HELQ: variants seen among roughly 807,000 people sequenced by gnomAD.
HELQ encodes helicase POLQ-like.
Under a neutral mutation model 111.6 loss-of-function variants are expected in HELQ, and 77 were observed. That is an observed-to-expected ratio of 0.69 (90% CI 0.57 to 0.83). HELQ has a LOEUF of 0.83. HELQ is among the 40% of genes least tolerant of loss of function. The probability of loss-of-function intolerance (pLI) is 0.00; values close to 1 mark genes in which losing one functional copy is unlikely to be tolerated. For missense variants in HELQ, 1,200 were observed against 1,288.5 expected (o/e 0.93, Z 1.05); for synonymous variants, 438 against 454.7 (o/e 0.96, Z 0.47).
At chr4:83,432,391 G>C in intron 9 of HELQ, 124 bp from the exon 10 acceptor site, 1 of 555,302 alleles carries the variant, frequency 1.8e-6, no homozygotes, top group East Asian at 3.5e-5. Context: ...TAGGTAACTA[G>C]TGTTTACCAA....
At position 83,453,624 on chromosome 4, in the gene HELQ, G is replaced by A. The variant is rs1721530207; in HGVS notation, c.619C>T (p.Gln207Ter). The change falls in exon 2 of 18, where the codon CAG (glutamine) becomes TAG (stop). Residue 207 changes from glutamine (Q) to a stop codon, truncating the protein, a stop_gained. Transcript: ENST00000295488. LOFTEE classifies it high-confidence loss of function. ...TCACCCAAATCATTTGAAGAGTTCT[G>A]CAAATTTTCAAAGTATATAGCCTGT... ...SSQAIYFENL[Q>*]NSSNDLGDHS... 1.2e-6 allele frequency: 2 copies of A among 1,612,846 alleles called. No individual in the cohort carries two copies. The highest frequency in any genetic ancestry group is 1.7e-6 in the Non-Finnish European group (2 of 1,178,968).
intron 8 of HELQ, among the ~76,000 whole-genome samples, chr4:83,438,397 C>A (rs1720575664): frequency 6.6e-6 from 1 of 152,138 alleles, no homozygotes; most frequent in Non-Finnish European, 1.5e-5. Context: ...ATTTCTTACT[C>A]AGGAAATTAT....
chr4:83,409,758 T>C (rs1315951200), intron 17 of HELQ, among the ~76,000 whole-genome samples: 1 of 151,634 alleles, frequency 6.6e-6, no homozygotes, highest in East Asian at 1.9e-4. Flanking sequence ...AGAACCGACA[T>C]GGACAAAAAC....
intron 9 of HELQ, among the ~76,000 whole-genome samples, chr4:83,436,268 C>T (rs1037135677): frequency 3.3e-5 from 5 of 152,068 alleles, no homozygotes; most frequent in East Asian, 1.9e-4. Flanking sequence ...TCTGTGATCT[C>T]GCTGAGATGT....
At chr4:83,420,807 A>G (rs1240256344) in intron 15 of HELQ, among the ~76,000 whole-genome samples, 3 of 151,888 alleles carry the variant, frequency 2.0e-5, no homozygotes, top group African/African-American at 7.3e-5. Context: ...GTGTGGTGGC[A>G]CATGTCTGTG....
chr4:83,455,092 A>G (rs1721678320), intron 1 of HELQ, among the ~76,000 whole-genome samples: 1 of 152,218 alleles, frequency 6.6e-6, no homozygotes, highest in Non-Finnish European at 1.5e-5. Flanking sequence ...TAACTAGCTT[A>G]ACATAACGGG....
chr4:83,424,513 A>G (rs1382984064), intron 14 of HELQ, among the ~76,000 whole-genome samples: 2 of 152,200 alleles, frequency 1.3e-5, no homozygotes, highest in Admixed American at 1.3e-4. Flanking sequence ...CCTTTGCCTC[A>G]GCTTCCTGAG....
At chr4:83,454,819 G>A (rs1415419021) in intron 1 of HELQ, among the ~76,000 whole-genome samples, 1 of 152,076 alleles carries the variant, frequency 6.6e-6, no homozygotes, top group Non-Finnish European at 1.5e-5. Context: ...GATAACTGCA[G>A]CGCTTCCCTC....
chr4:83,426,238 T>A, intron 13 of HELQ, 146 bp from the exon 14 acceptor site: 2 of 584,460 alleles, frequency 3.4e-6, no homozygotes, highest in Admixed American at 6.1e-5. Context: ...GGTTTTAAAG[T>A]TACATCATTA....
chr4:83,427,251 C>T lies in HELQ; in HGVS notation c.2676+312G>A, dbSNP rs1026399339. On this transcript the variant is annotated intron_variant, in intron 13 of 17. Transcript: ENST00000295488. The stretch of plus-strand genomic sequence containing the variant: ...AGAGAAAAGTAACATTAAAGTTAAA[C>T]GAACCATAAATGCTGTTGCCAGATT... 1.5e-4 allele frequency among the ~76,000 whole-genome samples: 23 copies of T among 151,762 alleles called. 1 individual carries two copies. Among genetic ancestry groups the T allele is most frequent in the Admixed American group, 8.5e-4 (13 of 15,230 alleles).
intron 10 of HELQ, 54 bp downstream of exon 10, chr4:83,432,072 G>T: frequency 1.6e-6 from 2 of 1,234,136 alleles, no homozygotes; most frequent in South Asian, 1.5e-5. Context: ...AAAAGGGCTA[G>T]ACCAACAACC....
At chr4:83,408,787 A>G (rs982223784) in intron 17 of HELQ, among the ~76,000 whole-genome samples, 1 of 152,014 alleles carries the variant, frequency 6.6e-6, no homozygotes, top group Admixed American at 6.6e-5. Flanking sequence ...AAACACATGA[A>G]CAAGATAAGA....
rs1322023442 is a variant in HELQ, at chr4:83,427,567, C to A, written c.2672G>T (p.Arg891Met). Residue 891 changes from arginine to methionine, a missense_variant, in exon 13 of 18, where the codon AGG becomes ATG. Arg to Met is a moderately conservative substitution (Grantham distance 91). This residue lies in a region of HELQ where 585 missense variants were observed against 665.3 expected (regional missense o/e 0.88). Transcript: ENST00000295488. ...QCNPDWMIYF[R>M]QFSQLSPAEQ... ...TGAAAAACGTTATATTCTCACCTGC[C>A]TGAAGTATATCATCCAATCAGGGTT... 3.2e-6 allele frequency: 5 copies of A among 1,540,278 alleles called. No individual in the cohort carries two copies. The African/African-American group carries it at 7.1e-5, about 22-fold the overall frequency.
At chr4:83,432,392 T>C (rs1428266475) in intron 9 of HELQ, 125 bp from the exon 10 acceptor site, 1 of 555,694 alleles carries the variant, frequency 1.8e-6, no homozygotes, top group African/African-American at 2.0e-5. Flanking sequence ...AGGTAACTAG[T>C]GTTTACCAAG....
At chr4:83,423,008 T>C (rs1451351388) in intron 14 of HELQ, among the ~76,000 whole-genome samples, 2 of 152,240 alleles carry the variant, frequency 1.3e-5, no homozygotes, top group Non-Finnish European at 2.9e-5. Context: ...CGATTCTGTA[T>C]ACCTGCTTTG....
intron 9 of HELQ, 123 bp downstream of exon 9, chr4:83,436,735 C>A (rs1720479759): frequency 2.1e-6 from 2 of 943,830 alleles, no homozygotes; most frequent in South Asian, 3.7e-5. Context: ...ATCAACTCAG[C>A]ATATGCTAAA....
chr4:83,415,130 C>T (rs1494962), intron 17 of HELQ, among the ~76,000 whole-genome samples: 41,772 of 152,080 alleles, frequency 0.27, 12,003 homozygotes, highest in African/African-American at 0.73. Context: ...CTTAGAACCA[C>T]AGTTGAGATC....
At chr4:83,419,149 C>T (rs369288469) in intron 15 of HELQ, among the ~76,000 whole-genome samples, 106 of 148,768 alleles carry the variant, frequency 7.1e-4, no homozygotes, top group African/African-American at 2.6e-3. Flanking sequence ...AACTTTCTTA[C>T]AACACCATGA....
At chr4:83,417,402 C>T (rs538904332) in intron 16 of HELQ, among the ~76,000 whole-genome samples, 4 of 152,160 alleles carry the variant, frequency 2.6e-5, no homozygotes, top group South Asian at 2.1e-4. Context: ...GGGGTTTCAC[C>T]ATGTGGGCCA....
Sources: gnomAD v4.1 joint callset for allele counts (sites outside exome capture counted in the v4.1 genomes callset) on GRCh38, gnomAD v4.1.1 for gene constraint, gnomAD v4.1.1 regional missense constraint, MANE v1.5 for transcripts, NCBI Gene and HGNC (gene_info 2026-07-23, HGNC 2026-07-21) for gene names.